HPSE: variants seen among roughly 807,000 people sequenced by gnomAD.
The protein encoded by HPSE is heparanase, also known as endo-glucoronidase.
Under a neutral mutation model 65.1 loss-of-function variants are expected in HPSE, and 48 were observed. That is an observed-to-expected ratio of 0.74 (90% CI 0.58 to 0.94). The LOEUF is 0.94. HPSE is among the 40% of genes least tolerant of loss of function. The pLI, the probability that HPSE is intolerant of heterozygous loss-of-function variation, is 0.00. For missense variants in HPSE, 644 were observed against 637.5 expected (o/e 1.01, Z -0.11); for synonymous variants, 243 against 260.0 (o/e 0.93, Z 0.63).
chr4:83,322,108 G>T, intron 2 of HPSE, 111 bp downstream of exon 2: 1 of 855,976 alleles, frequency 1.2e-6, no homozygotes, highest in Non-Finnish European at 1.8e-6. Flanking sequence ...TGAGGGGAGA[G>T]GAAGTTAATC....
At position 83,334,580 on chromosome 4, in the gene HPSE, TC is replaced by T. The variant is rs1171776938; in HGVS notation, c.202del (p.Asp68ThrfsTer25). 1 of 1,588,178 alleles carries T rather than the reference TC, an allele frequency of 6.3e-7. No homozygotes were observed. ...SVTIDANLAT[D>X]PRFLILLGSP... is the part of the protein sequence containing the mutation. ...CCCCAGGAGGATGAGGAACCGCGGG[TC>T]CGTGGCCAGGTTGGCGTCAATGGTG... is the stretch of plus-strand genomic sequence containing the variant. On this transcript the variant is annotated frameshift_variant, in exon 1 of 12. Coordinates refer to ENST00000311412, the MANE Select transcript of HPSE (RefSeq NM_001098540.3). LOFTEE classifies it high-confidence loss of function.
intron 1 of HPSE, among the ~76,000 whole-genome samples, chr4:83,330,877 A>G (rs1017025838): frequency 1.3e-5 from 2 of 152,270 alleles, no homozygotes; most frequent in Non-Finnish European, 2.9e-5. Context: ...CTACCATAGC[A>G]CTAGCTACAT....
At chr4:83,315,020 G>A (rs1055640273) in intron 3 of HPSE, among the ~76,000 whole-genome samples, 1 of 152,210 alleles carries the variant, frequency 6.6e-6, no homozygotes, top group African/African-American at 2.4e-5. Flanking sequence ...GCTGGGTGCA[G>A]TGGCATGCAC....
chr4:83,309,756 C>A (rs1242031363), intron 6 of HPSE, among the ~76,000 whole-genome samples: 1 of 152,154 alleles, frequency 6.6e-6, no homozygotes, highest in African/African-American at 2.4e-5. Context: ...GGTTCTTTGG[C>A]AAGCAATTGG....
In HPSE at chr4:83,293,115, A is replaced by G. The variant is rs1735607249; in HGVS notation, c.*2229T>C. 6.6e-6 allele frequency: 1 copy of G among 152,234 alleles called. No individual in the cohort carries two copies. The highest frequency in any genetic ancestry group is 1.9e-4 in the East Asian group (1 of 5,206). 9.4% of individuals were successfully genotyped at this position (152,234 alleles called of 1,614,324 possible). On this transcript the variant is annotated 3_prime_UTR_variant, in exon 12 of 12. Coordinates refer to ENST00000311412, the MANE Select transcript of HPSE (RefSeq NM_001098540.3). ...ATTTTTTCACTGGTAAAAAGCGCAGAACTGCAGTGTTCAGTTTGTAGACTG... is the reference window on the plus strand; with the variant it reads ...ATTTTTTCACTGGTAAAAAGCGCAGGACTGCAGTGTTCAGTTTGTAGACTG...
rs1331964466 is a variant in HPSE, at chr4:83,310,033, A to T, written c.888T>A (p.His296Gln). The change falls in exon 6 of 12, where the codon CAT (histidine) becomes CAA (glutamine). Residue 296 changes from histidine (H) to glutamine (Q), a missense_variant and splice_region_variant. By Grantham distance (24) the His-to-Gln change is conservative (BLOSUM62 0). Transcript: ENST00000311412. The part of the protein sequence containing the change: ...GGEVIDSVTW[H>Q]HYYLNGRTAT... ...TTAAGAATAGGAGACATACTTACTG[A>T]TGCCATGTAACTGAATCAATCACTT... 2 of 1,608,218 alleles carry T rather than the reference A, an allele frequency of 1.2e-6. No individual in the cohort carries two copies. The highest frequency in any genetic ancestry group is 1.3e-5 in the African/African-American group (1 of 74,750).
intron 3 of HPSE, among the ~76,000 whole-genome samples, chr4:83,313,804 C>G (rs1736517496): frequency 6.6e-6 from 1 of 151,942 alleles, no homozygotes; most frequent in Non-Finnish European, 1.5e-5. Flanking sequence ...CTATGGTTTC[C>G]AAACTCTGTG....
chr4:83,322,160 C>A, intron 2 of HPSE, 59 bp downstream of exon 2: 2 of 1,436,802 alleles, frequency 1.4e-6, no homozygotes, highest in Middle Eastern at 1.8e-4. Context: ...TTTCTCAAAG[C>A]ATTCTCATGA....
At chr4:83,296,773 T>TTA (rs1491351797) in intron 11 of HPSE, among the ~76,000 whole-genome samples, 1 of 152,114 alleles carries the variant, frequency 6.6e-6, no homozygotes, top group Non-Finnish European at 1.5e-5. Flanking sequence ...TGTAGAACAC[T>TTA]TATAACAGTG....
rs780054860 is a variant in HPSE, at chr4:83,300,997, G to C, written c.1435C>G (p.Leu479Val). ...PFSNKQVDKYLLRPLGPHGLL... is the reference protein window; with the variant it reads ...PFSNKQVDKYVLRPLGPHGLL... Reference sequence around the variant, plus strand: ...CCATGAGGTCCCAAAGGTCTTAGAAGGTATTTATCCACTTGCTTGTTAGAA... The same window carrying C: ...CCATGAGGTCCCAAAGGTCTTAGAACGTATTTATCCACTTGCTTGTTAGAA... The change falls in exon 11 of 12, where the codon CTT becomes GTT. Residue 479 changes from leucine to valine, a missense_variant. By Grantham distance (32) the Leu-to-Val change is conservative. Transcript: ENST00000311412. The C allele has an allele frequency of 6.2e-7, 1 of 1,608,232 alleles. No individual in the cohort carries two copies. Among genetic ancestry groups the C allele is most frequent in the Non-Finnish European group, 8.5e-7 (1 of 1,176,482 alleles).
At position 83,321,693 on chromosome 4, in the gene HPSE, C is replaced by G. The variant is rs541125988; in HGVS notation, c.373+526G>C. Among the ~76,000 whole-genome samples, 119 of 152,206 alleles carry G rather than the reference C, an allele frequency of 7.8e-4. 2 individuals carry two copies. In the South Asian group the frequency reaches 0.024, roughly 30 times the overall value. On this transcript the variant is annotated intron_variant, in intron 2 of 11. Coordinates refer to ENST00000311412, the MANE Select transcript of HPSE (RefSeq NM_001098540.3). Reference sequence around the variant, plus strand: ...AGACAGGACAAATTTTCATGGCCCCCTAGGGCAGGTTTCTCAGGTGAAGGC... The same window carrying G: ...AGACAGGACAAATTTTCATGGCCCCGTAGGGCAGGTTTCTCAGGTGAAGGC...
At chr4:83,316,307 G>A (rs1280429957) in intron 3 of HPSE, among the ~76,000 whole-genome samples, 2 of 150,198 alleles carry the variant, frequency 1.3e-5, no homozygotes, top group African/African-American at 4.9e-5. Flanking sequence ...GATTACAGGC[G>A]TGAGCCACCA....
Position 83,304,972 on chromosome 4 carries a change from T to TGG in HPSE, c.1206+1230_1206+1231insCC, listed in dbSNP as rs570799250. On this transcript the variant is annotated intron_variant, in intron 9 of 11. Coordinates refer to ENST00000311412, the MANE Select transcript of HPSE (RefSeq NM_001098540.3). Reference sequence around the variant, plus strand: ...AACCTCTTCTCAATTTGAACTTCCTTATCTAAAAAATGGATCCAAGATACC... The same window carrying TGG: ...AACCTCTTCTCAATTTGAACTTCCTTGGATCTAAAAAATGGATCCAAGATACC... Among the ~76,000 whole-genome samples, 902 of 152,292 alleles carry TGG rather than the reference T, an allele frequency of 5.9e-3. 9 individuals carry two copies. Among genetic ancestry groups the TGG allele is most frequent in the African/African-American group, 0.02 (828 of 41,540 alleles).
Position 83,308,898 on chromosome 4 carries a change from A to G in HPSE, c.1038T>C (p.Ser346=), listed in dbSNP as rs766552103. The part of the protein sequence containing the change: ...GKKVWLGETS[S]AYGGGAPLLS... ...GCAAGGGCGCTCCGCCTCCATATGC[A>G]GAGCTTGTTTCTCCTAACCAGACCT... is the stretch of plus-strand genomic sequence containing the variant. The change falls in exon 8 of 12, where the codon TCT becomes TCC. Residue 346 remains serine (S), a synonymous_variant. Transcript: ENST00000311412. The G allele has an allele frequency of 1.2e-6, 2 of 1,614,154 alleles. No homozygotes were observed. Among genetic ancestry groups the G allele is most frequent in the South Asian group, 2.2e-5 (2 of 91,082 alleles).
rs1028346804 is a variant in HPSE, at chr4:83,294,617, A to C, written c.*727T>G. The C allele has an allele frequency of 6.6e-6, 1 of 152,162 alleles. No individual in the cohort carries two copies. The highest frequency in any genetic ancestry group is 1.5e-5 in the Non-Finnish European group (1 of 68,076). 9.4% of individuals were successfully genotyped at this position (152,162 alleles called of 1,614,324 possible). The stretch of plus-strand genomic sequence containing the variant: ...TACAAAAAATTTTTTAAAAATAGCC[A>C]AGTGTGATGGCATGTGTCTGTGGTC... On this transcript the variant is annotated 3_prime_UTR_variant, in exon 12 of 12. Coordinates refer to ENST00000311412, the MANE Select transcript of HPSE (RefSeq NM_001098540.3).
intron 4 of HPSE, among the ~76,000 whole-genome samples, chr4:83,312,731 C>T (rs1736448711): frequency 7.2e-6 from 1 of 139,540 alleles, no homozygotes; most frequent in African/African-American, 2.7e-5. Context: ...GGCCTGGTGG[C>T]TCACGCCTGT....
chr4:83,333,033 A>G (rs921346304), intron 1 of HPSE, among the ~76,000 whole-genome samples: 7 of 151,862 alleles, frequency 4.6e-5, no homozygotes, highest in African/African-American at 1.7e-4. Context: ...GTTGCTGCCT[A>G]GTATCAGCTT....
chr4:83,315,292 A>G (rs1477666079), intron 3 of HPSE, among the ~76,000 whole-genome samples: 3 of 152,188 alleles, frequency 2.0e-5, no homozygotes, highest in Non-Finnish European at 2.9e-5. Context: ...ACCATCAAGG[A>G]ATGACAGACA....
At chr4:83,332,483 G>A (rs573235393) in intron 1 of HPSE, among the ~76,000 whole-genome samples, 12 of 152,342 alleles carry the variant, frequency 7.9e-5, no homozygotes, top group South Asian at 4.1e-4. Flanking sequence ...AGAGAAGCAC[G>A]TATGGACAAG....
Sources: allele counts gnomAD v4.1 joint callset (sites outside exome capture counted in the v4.1 genomes callset), GRCh38; gene constraint gnomAD v4.1.1; transcripts MANE v1.5; gene names NCBI Gene and HGNC (gene_info 2026-07-23, HGNC 2026-07-21).